Variants in RAB40C observed in about 807,000 individuals in gnomAD.
The protein encoded by RAB40C is RAB40C, member RAS oncogene family, also known as ras-related protein Rab-40C.
RAB40C carries 8 observed loss-of-function variants against 28.1 expected under a neutral mutation model. That is an observed-to-expected ratio of 0.28 (90% CI 0.17 to 0.51). The LOEUF is 0.51. Among genes scored for constraint, RAB40C ranks in the 20% least tolerant of loss-of-function variants. The pLI is 0.97. For missense variants in RAB40C, 288 were observed against 405.9 expected (o/e 0.71, Z 2.50); for synonymous variants, 201 against 171.7 (o/e 1.17, Z -1.34).
intron 1 of RAB40C, among the ~76,000 whole-genome samples, chr16:607,907 C>T (rs1295173295): frequency 2.0e-5 from 3 of 152,144 alleles, no homozygotes; most frequent in Non-Finnish European, 4.4e-5. Flanking sequence ...TTTCAGACCC[C>T]TTCCTCCCCC....
intron 1 of RAB40C, among the ~76,000 whole-genome samples, chr16:609,035 A>C (rs752234919): frequency 1.3e-5 from 2 of 152,180 alleles, no homozygotes; most frequent in Non-Finnish European, 2.9e-5. Flanking sequence ...GGAGCACGTG[A>C]GCCTAGGAGT....
At chr16:620,907 G>A (rs1196652555) in intron 3 of RAB40C, among the ~76,000 whole-genome samples, 4 of 152,120 alleles carry the variant, frequency 2.6e-5, no homozygotes, top group African/African-American at 9.7e-5. Context: ...CAGTACAGTC[G>A]TGATTTCTGT....
upstream of RAB40C, chr16:589,513 C>G (rs909113025): frequency 3.9e-5 from 6 of 152,406 alleles, no homozygotes; most frequent in Admixed American, 3.9e-4. Context: ...CGGATACAAA[C>G]AACGTGGACT....
At chr16:603,684 C>T (rs990108524) in intron 1 of RAB40C, among the ~76,000 whole-genome samples, 2 of 152,088 alleles carry the variant, frequency 1.3e-5, no homozygotes, top group African/African-American at 4.8e-5. Context: ...TGAGTTTTGG[C>T]ACATATATGT....
At chr16:613,653 A>G (rs1230199688) in intron 1 of RAB40C, among the ~76,000 whole-genome samples, 1 of 152,168 alleles carries the variant, frequency 6.6e-6, no homozygotes, top group African/African-American at 2.4e-5. Flanking sequence ...ATGTCTATTC[A>G]AGTCCTTTGC....
chr16:624,206 G>A (rs141932842), intron 3 of RAB40C: 28 of 985,398 alleles, frequency 2.8e-5, no homozygotes, highest in Admixed American at 1.2e-4. Context: ...GTTGCCATGC[G>A]GGAGGTTGCC....
intron 1 of RAB40C, among the ~76,000 whole-genome samples, chr16:607,786 G>A (rs1344850037): frequency 6.6e-6 from 1 of 152,152 alleles, no homozygotes; most frequent in Non-Finnish European, 1.5e-5. Flanking sequence ...GCAAGACTCC[G>A]TCTCAAAAAC....
At chr16:602,364 C>G (rs2036271070) in intron 1 of RAB40C, among the ~76,000 whole-genome samples, 1 of 151,484 alleles carries the variant, frequency 6.6e-6, no homozygotes, top group Non-Finnish European at 1.5e-5. Flanking sequence ...TAGTGATCCT[C>G]CCGCCTCAGC....
At chr16:616,333 T>TTTTTTTTA (rs376410585) in intron 1 of RAB40C, among the ~76,000 whole-genome samples, 1 of 141,570 alleles carries the variant, frequency 7.1e-6, no homozygotes, top group South Asian at 2.3e-4. Context: ...AGAAGCAGCA[T>TTTTTTTTA]TTTATTTATT....
At chr16:590,494 G>T in intron 1 of RAB40C, 61 bp downstream of exon 1, 1 of 1,439,022 alleles carries the variant, frequency 6.9e-7, no homozygotes, top group Non-Finnish European at 9.1e-7. Context: ...AGCTGGGCAC[G>T]GAGCTCGCCC....
At chr16:625,401 A>G (rs1468796139) in intron 3 of RAB40C, 31 bp from the exon 4 acceptor site, 1 of 1,607,748 alleles carries the variant, frequency 6.2e-7, no homozygotes, top group Admixed American at 1.7e-5. Flanking sequence ...CGTGTCAGTG[A>G]CCCCTGATGA....
At chr16:607,999 C>G (rs756033863) in intron 1 of RAB40C, among the ~76,000 whole-genome samples, 1 of 149,672 alleles carries the variant, frequency 6.7e-6, no homozygotes, top group Non-Finnish European at 1.5e-5. Flanking sequence ...GTGCTGTGCC[C>G]GTCCCCACCT....
intron 1 of RAB40C, among the ~76,000 whole-genome samples, chr16:603,914 C>CT (rs999794723): frequency 1.6e-4 from 24 of 152,132 alleles, no homozygotes; most frequent in Non-Finnish European, 1.0e-4. Context: ...GTAGATTCTT[C>CT]TTTTTTTGTT....
chr16:627,638 C>A lies in RAB40C; in HGVS notation c.*16C>A, dbSNP rs550403922. The A allele has an allele frequency of 1.9e-6, 3 of 1,558,656 alleles. No homozygotes were observed. Among genetic ancestry groups the A allele is most frequent in the Non-Finnish European group, 2.6e-6 (3 of 1,150,266 alleles). ...GATCTCCTAGCGGGGATGGGCGGGG[C>A]CGCCTGTGCAGATGCCAGGAGGGCT... On this transcript the variant is annotated 3_prime_UTR_variant, in exon 6 of 6. Transcript: ENST00000248139.
intron 1 of RAB40C, among the ~76,000 whole-genome samples, chr16:612,546 A>C: frequency 1.8e-4 from 1 of 5,562 alleles, no homozygotes; most frequent in Admixed American, 1.1e-3. Flanking sequence ...TGGCCTGTAG[A>C]ATCAAGAGCA....
chr16:617,982 G>C (rs528080938), intron 2 of RAB40C, among the ~76,000 whole-genome samples: 3 of 152,390 alleles, frequency 2.0e-5, no homozygotes, highest in Non-Finnish European at 4.4e-5. Context: ...TCACTCCCCA[G>C]GTGGGCGGGG....
intron 1 of RAB40C, among the ~76,000 whole-genome samples, chr16:595,603 CTT>C (rs746491567): frequency 1.2e-4 from 16 of 138,786 alleles, no homozygotes; most frequent in Non-Finnish European, 1.1e-4. Flanking sequence ...CTTTTTTCTT[CTT>C]TTTTTTTTTT....
At chr16:596,932 G>C (rs896795642) in intron 1 of RAB40C, among the ~76,000 whole-genome samples, 2 of 152,202 alleles carry the variant, frequency 1.3e-5, no homozygotes, top group Non-Finnish European at 2.9e-5. Flanking sequence ...CGGCTGTCTC[G>C]TGCTGAGATC....
chr16:616,130 G>A (rs1429570011), intron 1 of RAB40C, among the ~76,000 whole-genome samples: 23 of 151,506 alleles, frequency 1.5e-4, no homozygotes, highest in East Asian at 3.9e-4. Flanking sequence ...GGTGGCGGGC[G>A]CCTGTAGTTC....
Sources: allele counts gnomAD v4.1 joint callset (sites outside exome capture counted in the v4.1 genomes callset), GRCh38; gene constraint gnomAD v4.1.1; transcripts MANE v1.5; gene names NCBI Gene and HGNC (gene_info 2026-07-23, HGNC 2026-07-21).